FSIP1: variants seen among roughly 807,000 people sequenced by gnomAD.
FSIP1 encodes the protein fibrous sheath interacting protein 1, also known as fibrous sheath-interacting protein 1.
Under a neutral mutation model 60.9 loss-of-function variants are expected in FSIP1, and 65 were observed. That is an observed-to-expected ratio of 1.07 (90% confidence interval 0.87 to 1.31). FSIP1 has a LOEUF of 1.31. Ranked by LOEUF, FSIP1 falls within the 40% of genes most tolerant of loss-of-function variation. The pLI is 0.00. For synonymous variants in FSIP1, 209 were observed against 221.2 expected (o/e 0.94, Z 0.49); for missense variants, 675 against 665.5 (o/e 1.01, Z -0.16).
rs550352215 is a variant in FSIP1, at chr15:39,693,574, A to G, written c.1188+19870T>C. ...ATTTAAGTATTTTAGCAATCTATTT[A>G]AGGTGGACTATATTACTACCTTTCT... On this transcript the variant is annotated intron_variant, in intron 10 of 11. Transcript: ENST00000350221. Among the ~76,000 whole-genome samples the G allele has an allele frequency of 1.4e-4, 21 of 152,364 alleles. No homozygotes were observed. In the South Asian group the frequency reaches 4.3e-3, roughly 32 times the overall value.
chr15:39,732,543 C>T (rs28551534), intron 8 of FSIP1, among the ~76,000 whole-genome samples: 4,518 of 142,582 alleles, frequency 0.032, 89 homozygotes, highest in Non-Finnish European at 0.044. Flanking sequence ...CACTTGAGCC[C>T]GGGAGGCAGG....
chr15:39,617,846 C>G lies in FSIP1; in HGVS notation c.1588G>C (p.Gly530Arg). The G allele has an allele frequency of 6.2e-7, 1 of 1,614,142 alleles. No homozygotes were observed. Among genetic ancestry groups the G allele is most frequent in the Non-Finnish European group, 8.5e-7 (1 of 1,180,030 alleles). The change falls in exon 11 of 12, where the codon GGG (glycine) becomes CGG (arginine). Residue 530 changes from glycine to arginine, a missense_variant. Transcript: ENST00000350221. ...DYFMSKTLGIGRLKRPSFLDD... is the reference protein window; with the variant it reads ...DYFMSKTLGIRRLKRPSFLDD... ...AAGAAGGAGGGCCTTTTCAGTCTCCCAATGCCAAGAGTCTTCGACATAAAA... is the reference window on the plus strand; with the variant it reads ...AAGAAGGAGGGCCTTTTCAGTCTCCGAATGCCAAGAGTCTTCGACATAAAA...
At chr15:39,624,147 A>C (rs1421270242) in intron 10 of FSIP1, among the ~76,000 whole-genome samples, 2 of 152,206 alleles carry the variant, frequency 1.3e-5, no homozygotes, top group Non-Finnish European at 2.9e-5. Context: ...ATCCAAGCCC[A>C]AGGTTTTGGC....
chr15:39,630,262 T>A (rs772899924), intron 10 of FSIP1, among the ~76,000 whole-genome samples: 13 of 152,244 alleles, frequency 8.5e-5, no homozygotes, highest in Non-Finnish European at 1.6e-4. Context: ...AAGTTCCAAG[T>A]TGTGCTATGA....
intron 3 of FSIP1, 98 bp downstream of exon 3, chr15:39,770,329 A>C: frequency 2.3e-6 from 2 of 874,414 alleles, no homozygotes; most frequent in Non-Finnish European, 3.3e-6. Flanking sequence ...TATTTAGTTG[A>C]TAAAAACACA....
intron 5 of FSIP1, among the ~76,000 whole-genome samples, chr15:39,749,645 G>C (rs538751343): frequency 6.6e-6 from 1 of 152,042 alleles, no homozygotes; most frequent in East Asian, 1.9e-4. Context: ...ACTCTCAAGA[G>C]TTTAGGTATA....
At chr15:39,703,643 CT>C (rs1487350728) in intron 10 of FSIP1, among the ~76,000 whole-genome samples, 1 of 152,076 alleles carries the variant, frequency 6.6e-6, no homozygotes, top group Non-Finnish European at 1.5e-5. Context: ...GGCTTAAAAC[CT>C]AGATGATGGG....
At chr15:39,779,171 T>G (rs1370900733) in intron 1 of FSIP1, among the ~76,000 whole-genome samples, 1 of 152,024 alleles carries the variant, frequency 6.6e-6, no homozygotes, top group African/African-American at 2.4e-5. Flanking sequence ...AAAAGAAAAT[T>G]CTAATAGAAA....
At chr15:39,695,525 A>G (rs1254481274) in intron 10 of FSIP1, among the ~76,000 whole-genome samples, 1 of 152,138 alleles carries the variant, frequency 6.6e-6, no homozygotes, top group Admixed American at 6.6e-5. Context: ...TATGGACACA[A>G]ATTTAATGTT....
intron 8 of FSIP1, among the ~76,000 whole-genome samples, chr15:39,732,745 T>C (rs988673359): frequency 6.6e-6 from 1 of 152,178 alleles, no homozygotes; most frequent in Non-Finnish European, 1.5e-5. Context: ...AAGCTGTGCA[T>C]TTATTTGTCA....
At chr15:39,781,496 C>CA (rs202214238) in intron 1 of FSIP1, among the ~76,000 whole-genome samples, 231 of 150,838 alleles carry the variant, frequency 1.5e-3, no homozygotes, top group African/African-American at 5.1e-3. Context: ...TTCACACACA[C>CA]AAAAAAAAAC....
At chr15:39,771,629 T>A (rs925289178) in intron 2 of FSIP1, among the ~76,000 whole-genome samples, 3 of 152,180 alleles carry the variant, frequency 2.0e-5, no homozygotes, top group African/African-American at 7.2e-5. Context: ...GCCTGCCTCA[T>A]TCGCTTCCCA....
chr15:39,714,972 C>CAAAAAA (rs34491210), intron 9 of FSIP1, among the ~76,000 whole-genome samples: 2 of 89,568 alleles, frequency 2.2e-5, no homozygotes, highest in Non-Finnish European at 4.1e-5. Context: ...GACTCTGTCT[C>CAAAAAA]AAAAAAAAAA....
At chr15:39,776,359 T>C (rs1000561109) in intron 2 of FSIP1, 40 bp downstream of exon 2, 14 of 1,593,464 alleles carry the variant, frequency 8.8e-6, no homozygotes, top group African/African-American at 1.4e-5. Flanking sequence ...TGCTGAGAGG[T>C]TGGGGAAAGG....
chr15:39,726,852 AACACACACAC>A, intron 8 of FSIP1, 105 bp from the exon 9 acceptor site: 1 of 621,962 alleles, frequency 1.6e-6, no homozygotes, highest in Non-Finnish European at 2.8e-6. Context: ...TACACACACA[AACACACACAC>A]ACACACACAC....
rs1451025292 is a variant in FSIP1, at chr15:39,703,867, G to A, written c.1188+9577C>T. Among the ~76,000 whole-genome samples the A allele has an allele frequency of 2.0e-5, 3 of 152,224 alleles. No individual in the cohort carries two copies. In the East Asian group the frequency reaches 5.8e-4, roughly 29 times the overall value. On this transcript the variant is annotated intron_variant, in intron 10 of 11. Transcript: ENST00000350221. The stretch of plus-strand genomic sequence containing the variant: ...AGTCAATAACTTTTAAAAGGTTACT[G>A]GGTCATTTATTCATTGCAGGATAAT...
At chr15:39,708,176 T>C (rs916268123) in intron 10 of FSIP1, among the ~76,000 whole-genome samples, 2 of 152,150 alleles carry the variant, frequency 1.3e-5, no homozygotes, top group African/African-American at 4.8e-5. Context: ...CCTAATACCA[T>C]GGGAACCAAC....
intron 10 of FSIP1, among the ~76,000 whole-genome samples, chr15:39,651,199 A>G (rs1892854166): frequency 6.6e-6 from 1 of 152,228 alleles, no homozygotes; most frequent in South Asian, 2.1e-4. Flanking sequence ...TTTGTTTTAT[A>G]ATGTAGGGTT....
chr15:39,720,617 G>T (rs948761664), intron 9 of FSIP1, among the ~76,000 whole-genome samples: 5 of 152,036 alleles, frequency 3.3e-5, no homozygotes, highest in African/African-American at 1.2e-4. Context: ...TATTGAATCC[G>T]GTTGCTAAGG....
Sources: gnomAD v4.1 joint callset for allele counts (sites outside exome capture counted in the v4.1 genomes callset) on GRCh38, gnomAD v4.1.1 for gene constraint, MANE v1.5 for transcripts, NCBI Gene and HGNC (gene_info 2026-07-23, HGNC 2026-07-21) for gene names.